Variants in METTL25 observed in about 807,000 individuals in gnomAD.
METTL25 encodes methyltransferase like 25.
Under a neutral mutation model 71.6 loss-of-function variants are expected in METTL25, and 64 were observed. The observed-to-expected ratio is 0.89, with a 90% CI of 0.73 to 1.10. METTL25 has a LOEUF of 1.10. Ranked by LOEUF, METTL25 falls within the 50% of genes least tolerant of loss-of-function variation. The pLI, the probability that METTL25 is intolerant of heterozygous loss-of-function variation, is 0.00. For missense variants in METTL25, 807 were observed against 707.0 expected (o/e 1.14, Z -1.60); for synonymous variants, 287 against 250.3 (o/e 1.15, Z -1.38).
chr12:82,425,432 G>A (rs760158104), intron 5 of METTL25, among the ~76,000 whole-genome samples: 7 of 152,064 alleles, frequency 4.6e-5, no homozygotes, highest in African/African-American at 7.2e-5. Flanking sequence ...TGATGAGTCA[G>A]CAAGGGAGTA....
chr12:82,407,078 A>G (rs1223279230), intron 5 of METTL25, among the ~76,000 whole-genome samples: 1 of 152,090 alleles, frequency 6.6e-6, no homozygotes, highest in African/African-American at 2.4e-5. Context: ...CATGATTTTT[A>G]TTGACCTCCT....
At chr12:82,376,970 C>A (rs190374143) in intron 1 of METTL25, among the ~76,000 whole-genome samples, 1 of 151,882 alleles carries the variant, frequency 6.6e-6, no homozygotes. Flanking sequence ...AAAAATTAGC[C>A]GGCGTGGTGG....
intron 9 of METTL25, among the ~76,000 whole-genome samples, chr12:82,465,645 TTTAA>T (rs1892182473): frequency 6.6e-6 from 1 of 152,040 alleles, no homozygotes; most frequent in Admixed American, 6.6e-5. Context: ...TTCCCTACAC[TTTAA>T]TTTTTTGCAA....
intron 3 of METTL25, among the ~76,000 whole-genome samples, chr12:82,394,574 CATGTTCCAGGCATTATTT>C (rs1885909521): frequency 6.6e-6 from 1 of 151,982 alleles, no homozygotes; most frequent in African/African-American, 2.4e-5. Flanking sequence ...AGCTCTTAAC[CATGTTCCAGGCATTATTT>C]TCTATACTGA....
At chr12:82,393,081 C>CT (rs1885745284) in intron 3 of METTL25, among the ~76,000 whole-genome samples, 1 of 151,990 alleles carries the variant, frequency 6.6e-6, no homozygotes, top group African/African-American at 2.4e-5. Flanking sequence ...CAGCTTTGTT[C>CT]TTTTTGCTCA....
chr12:82,364,418 T>A (rs1179136785), intron 1 of METTL25, among the ~76,000 whole-genome samples: 1 of 152,242 alleles, frequency 6.6e-6, no homozygotes, highest in East Asian at 1.9e-4. Context: ...TGTGTTTACA[T>A]GACGTTCTTG....
intron 5 of METTL25, among the ~76,000 whole-genome samples, chr12:82,421,355 A>G (rs1888471502): frequency 6.6e-6 from 1 of 152,168 alleles, no homozygotes; most frequent in Non-Finnish European, 1.5e-5. Flanking sequence ...TTCTAAAACA[A>G]ACTGAATGAG....
chr12:82,456,798 A>C lies in METTL25; in HGVS notation c.1550A>C (p.Lys517Thr). Residue 517 changes from lysine (K) to threonine (T), a missense_variant, in exon 9 of 12, where the codon AAG becomes ACG. Coordinates refer to ENST00000248306, the MANE Select transcript of METTL25 (RefSeq NM_032230.3). Reference sequence around the variant, plus strand: ...GATTATGTCAGACGGTCTCTAAAGAAGCTTGGATTAGATGAGTCCAAGGTC... The same window carrying C: ...GATTATGTCAGACGGTCTCTAAAGACGCTTGGATTAGATGAGTCCAAGGTC... ...FLDYVRRSLK[K>T]LGLDESKLPE... is the part of the protein sequence containing the mutation. 2 of 1,596,844 alleles carry C rather than the reference A, an allele frequency of 1.3e-6. No homozygotes were observed. Among genetic ancestry groups the C allele is most frequent in the Non-Finnish European group, 1.7e-6 (2 of 1,169,534 alleles).
chr12:82,441,220 A>C (rs927031187), intron 8 of METTL25, among the ~76,000 whole-genome samples: 3 of 151,998 alleles, frequency 2.0e-5, no homozygotes, highest in African/African-American at 7.2e-5. Flanking sequence ...TGCTTCTGCT[A>C]GCTGCCTACA....
chr12:82,438,188 A>G (rs563266818), intron 7 of METTL25, among the ~76,000 whole-genome samples: 2 of 151,806 alleles, frequency 1.3e-5, no homozygotes, highest in East Asian at 3.9e-4. Flanking sequence ...TGTTCTTTCC[A>G]AGGCTCTACT....
intron 3 of METTL25, among the ~76,000 whole-genome samples, chr12:82,390,559 T>G (rs545730413): frequency 2.0e-5 from 3 of 152,122 alleles, no homozygotes; most frequent in African/African-American, 7.2e-5. Flanking sequence ...AGAAGATCGG[T>G]GGTGGTAATG....
chr12:82,438,650 AT>A, intron 7 of METTL25, 67 bp from the exon 8 acceptor site: 2 of 985,256 alleles, frequency 2.0e-6, no homozygotes, highest in Non-Finnish European at 1.4e-6. Context: ...TGGTTCCAAC[AT>A]TCTGGTATTT....
Position 82,366,679 on chromosome 12 carries a change from A to G in METTL25, c.259+7855A>G, listed in dbSNP as rs547737159. On this transcript the variant is annotated intron_variant, in intron 1 of 11. Transcript: ENST00000248306. Reference sequence around the variant, plus strand: ...ATTCGAATGCATTGAAATTGCGCTCATATTTAATTTGAAACACATGAAGGC... The same window carrying G: ...ATTCGAATGCATTGAAATTGCGCTCGTATTTAATTTGAAACACATGAAGGC... 3.9e-5 allele frequency among the ~76,000 whole-genome samples: 6 copies of G among 152,256 alleles called. No individual in the cohort carries two copies. The South Asian group carries it at 1.2e-3, about 32-fold the overall frequency.
intron 7 of METTL25, among the ~76,000 whole-genome samples, chr12:82,436,879 A>G (rs1304076232): frequency 1.3e-5 from 2 of 151,642 alleles, no homozygotes; most frequent in Admixed American, 6.6e-5. Flanking sequence ...TTTGTAAGCC[A>G]TTTATAGTAC....
At chr12:82,382,778 T>G (rs1884568819) in intron 1 of METTL25, among the ~76,000 whole-genome samples, 1 of 151,938 alleles carries the variant, frequency 6.6e-6, no homozygotes, top group African/African-American at 2.4e-5. Flanking sequence ...TGCAGTGTCA[T>G]GATGAGGGTT....
At chr12:82,390,517 A>G (rs552905097) in intron 3 of METTL25, among the ~76,000 whole-genome samples, 49 of 152,196 alleles carry the variant, frequency 3.2e-4, no homozygotes, top group South Asian at 1.9e-3. Context: ...TTCCTTGTTT[A>G]TAAAAATAGT....
At position 82,430,910 on chromosome 12, in the gene METTL25, T is replaced by C. The variant is rs1220584912; in HGVS notation, c.1297T>C (p.Trp433Arg). Residue 433 changes from tryptophan (W) to arginine (R), a missense_variant, in exon 6 of 12, where the codon TGG becomes CGG. Physicochemically the swap from Trp to Arg is moderately radical, Grantham distance 101. Coordinates refer to ENST00000248306, the MANE Select transcript of METTL25 (RefSeq NM_032230.3). ...NQHKERTQEKWGFPMCHYLKE... is the reference protein window; with the variant it reads ...NQHKERTQEKRGFPMCHYLKE... ...ATCTGCAGAACGTACTCAGGAAAAG[T>C]GGGGATTTCCAATGTGCCACTATTT... is the stretch of plus-strand genomic sequence containing the variant. 9 of 1,592,916 alleles carry C rather than the reference T, an allele frequency of 5.7e-6. No individual in the cohort carries two copies. Among genetic ancestry groups the C allele is most frequent in the Non-Finnish European group, 7.7e-6 (9 of 1,165,974 alleles).
intron 1 of METTL25, among the ~76,000 whole-genome samples, chr12:82,382,285 C>G (rs1565812769): frequency 6.6e-6 from 1 of 152,178 alleles, no homozygotes; most frequent in Non-Finnish European, 1.5e-5. Context: ...TGAGACAGAT[C>G]TAGGCTGTGT....
intron 11 of METTL25, among the ~76,000 whole-genome samples, chr12:82,478,009 C>G (rs1302590738): frequency 6.6e-6 from 1 of 151,714 alleles, no homozygotes; most frequent in Admixed American, 6.6e-5. Context: ...TCTTATTTTC[C>G]TAATTGGAAC....
Sources: allele counts gnomAD v4.1 joint callset (sites outside exome capture counted in the v4.1 genomes callset), GRCh38; gene constraint gnomAD v4.1.1; transcripts MANE v1.5; gene names NCBI Gene and HGNC (gene_info 2026-07-23, HGNC 2026-07-21).